Variants in MIPOL1 observed in about 807,000 individuals in gnomAD.
MIPOL1 encodes the protein mirror-image polydactyly 1.
Under a neutral mutation model 60.9 loss-of-function variants are expected in MIPOL1, and 57 were observed. The observed-to-expected ratio is 0.94, with a 90% confidence interval of 0.76 to 1.17. The LOEUF is 1.17. Among genes scored for constraint, MIPOL1 ranks in the 50% most tolerant of loss-of-function variants. The pLI is 0.00. For missense variants in MIPOL1, 551 were observed against 511.6 expected, an observed-to-expected ratio of 1.08 and a Z score of -0.74; for synonymous variants, 179 against 168.8, an observed-to-expected ratio of 1.06 and a Z score of -0.47.
intron 9 of MIPOL1, among the ~76,000 whole-genome samples, chr14:37,326,151 T>G (rs528810984): frequency 2.0e-5 from 3 of 152,170 alleles, no homozygotes; most frequent in African/African-American, 7.2e-5. Flanking sequence ...AGAGTACATA[T>G]GTTACTTTGG....
At chr14:37,399,217 G>A (rs996193465) in intron 10 of MIPOL1, among the ~76,000 whole-genome samples, 1 of 152,112 alleles carries the variant, frequency 6.6e-6, no homozygotes, top group Admixed American at 6.5e-5. Flanking sequence ...ATACAATAAT[G>A]TGTGTTTCAT....
At chr14:37,365,410 A>G (rs1240381736) in intron 9 of MIPOL1, among the ~76,000 whole-genome samples, 1 of 152,072 alleles carries the variant, frequency 6.6e-6, no homozygotes, top group Non-Finnish European at 1.5e-5. Context: ...GAGTGTTTTT[A>G]TCATGAAGGG....
At chr14:37,245,125 A>C (rs1211302092) in intron 1 of MIPOL1, among the ~76,000 whole-genome samples, 1 of 152,136 alleles carries the variant, frequency 6.6e-6, no homozygotes, top group African/African-American at 2.4e-5. Context: ...TCATAATGTC[A>C]GCTGGAACAC....
chr14:37,230,028 T>G (rs1792166807), intron 1 of MIPOL1, among the ~76,000 whole-genome samples: 2 of 152,174 alleles, frequency 1.3e-5, no homozygotes, highest in Admixed American at 1.3e-4. Context: ...TTAATAACAA[T>G]GTATTATATT....
At chr14:37,327,992 A>G (rs1242791565) in intron 9 of MIPOL1, among the ~76,000 whole-genome samples, 4 of 151,892 alleles carry the variant, frequency 2.6e-5, no homozygotes, top group African/African-American at 9.7e-5. Flanking sequence ...GCTTTTGTCT[A>G]AAATTTTTGC....
chr14:37,524,558 TCTTTTTC>T lies in MIPOL1; in HGVS notation c.1263-22346_1263-22340del, dbSNP rs200026846. On this transcript the variant is annotated intron_variant, in intron 12 of 12. Coordinates refer to ENST00000684589, the MANE Select transcript of MIPOL1 (RefSeq NM_001388067.1). ...ATGTTCTTCTTGACATCTTAATTTT[TCTTTTTC>T]TTTTCTTTTTTTTTTTTTTTGAGAT... is the stretch of plus-strand genomic sequence containing the variant. Among the ~76,000 whole-genome samples, 42 of 19,012 alleles carry T rather than the reference TCTTTTTC, an allele frequency of 2.2e-3. 1 individual carries two copies. The highest frequency in any genetic ancestry group is 2.9e-3 in the African/African-American group (8 of 2,724). The allele number at this position is 19,012 out of a possible 152,430, so 12.5% of individuals were successfully genotyped here.
intron 2 of MIPOL1, 139 bp from the exon 3 acceptor site, chr14:37,247,690 A>C (rs1973399414): frequency 1.9e-6 from 1 of 521,176 alleles, no homozygotes; most frequent in Admixed American, 3.6e-5. Context: ...CTCCTGTTGA[A>C]ATTCTCAGTT....
intron 6 of MIPOL1, among the ~76,000 whole-genome samples, chr14:37,282,747 C>CAAAAAAAAA (rs59301708): frequency 5.9e-5 from 4 of 67,884 alleles, no homozygotes; most frequent in Non-Finnish European, 1.0e-4. Context: ...GACCCTGTCT[C>CAAAAAAAAA]AAAAAAAAAA....
At chr14:37,293,797 A>C (rs2085334217) in intron 7 of MIPOL1, among the ~76,000 whole-genome samples, 1 of 152,186 alleles carries the variant, frequency 6.6e-6, no homozygotes. Flanking sequence ...TGAGTAGGTA[A>C]ACAAAGTGGC....
At chr14:37,457,847 G>T (rs541169422) in intron 11 of MIPOL1, among the ~76,000 whole-genome samples, 36 of 152,082 alleles carry the variant, frequency 2.4e-4, no homozygotes, top group Middle Eastern at 6.8e-3. Flanking sequence ...CAAATTATTT[G>T]GGTTCACAAG....
intron 9 of MIPOL1, among the ~76,000 whole-genome samples, chr14:37,350,794 A>AT (rs2091297592): frequency 6.6e-6 from 1 of 151,804 alleles, no homozygotes; most frequent in African/African-American, 2.4e-5. Flanking sequence ...AATTGTTTTG[A>AT]TTTTTAGATC....
At chr14:37,545,974 G>T (rs932753327) in intron 12 of MIPOL1, 2 of 241,040 alleles carry the variant, frequency 8.3e-6, no homozygotes, top group Non-Finnish European at 1.6e-5. Flanking sequence ...TTATAAGGAA[G>T]ATTTCTATGT....
At chr14:37,298,690 T>C (rs543065683) in intron 7 of MIPOL1, among the ~76,000 whole-genome samples, 2 of 152,030 alleles carry the variant, frequency 1.3e-5, no homozygotes, top group East Asian at 1.9e-4. Context: ...AAAAAACACA[T>C]GAAAAAATGC....
chr14:37,476,611 T>C (rs914122773), intron 11 of MIPOL1, among the ~76,000 whole-genome samples: 1 of 152,182 alleles, frequency 6.6e-6, no homozygotes, highest in African/African-American at 2.4e-5. Flanking sequence ...CCTCCCTATT[T>C]CTAGGTTGCT....
chr14:37,479,818 G>C (rs1156502165), intron 11 of MIPOL1, among the ~76,000 whole-genome samples: 1 of 151,950 alleles, frequency 6.6e-6, no homozygotes, highest in Non-Finnish European at 1.5e-5. Context: ...AGAGAGGGAA[G>C]ACTCAAATAA....
chr14:37,498,681 G>C (rs985322269), intron 11 of MIPOL1, among the ~76,000 whole-genome samples: 1 of 152,114 alleles, frequency 6.6e-6, no homozygotes, highest in African/African-American at 2.4e-5. Context: ...TTTCTGTGTA[G>C]TAACCAGTTG....
intron 3 of MIPOL1, chr14:37,265,076 C>T (rs2082778099): frequency 6.6e-6 from 1 of 152,144 alleles, no homozygotes; most frequent in African/African-American, 2.4e-5. Context: ...AACATCTTGT[C>T]ATTTCAATAC....
In MIPOL1 at chr14:37,381,239, A is replaced by G. The variant is rs182761966; in HGVS notation, c.936+11615A>G. ...TACCTTCATTACTATCTTCCTCCTT[A>G]CCTTCTACTCTCATTGGTGATAGTG... On this transcript the variant is annotated intron_variant, in intron 10 of 12. Coordinates refer to ENST00000684589, the MANE Select transcript of MIPOL1 (RefSeq NM_001388067.1). Among the ~76,000 whole-genome samples the G allele has an allele frequency of 5.3e-5, 8 of 152,042 alleles. No individual in the cohort carries two copies. The East Asian group carries it at 1.6e-3, about 29-fold the overall frequency.
chr14:37,432,590 T>C (rs2094091827), intron 11 of MIPOL1, among the ~76,000 whole-genome samples: 1 of 152,006 alleles, frequency 6.6e-6, no homozygotes, highest in Admixed American at 6.6e-5. Flanking sequence ...AGCAAATATA[T>C]CACCTACCAA....
Sources: gnomAD v4.1 joint callset for allele counts (sites outside exome capture counted in the v4.1 genomes callset) on GRCh38, gnomAD v4.1.1 for gene constraint, MANE v1.5 for transcripts, NCBI Gene and HGNC (gene_info 2026-07-23, HGNC 2026-07-21) for gene names.